L3MBTL4: variants seen among roughly 807,000 people sequenced by gnomAD.
The protein encoded by L3MBTL4 is L3MBTL histone methyl-lysine binding protein 4, also known as lethal(3)malignant brain tumor-like protein 4.
L3MBTL4 carries 70 observed loss-of-function variants against 84.5 expected under a neutral mutation model. That is an observed-to-expected ratio of 0.83 (90% CI 0.68 to 1.01). The LOEUF (loss-of-function observed/expected upper bound fraction) is 1.01, where lower values mean the gene tolerates loss of function less well. Ranked by LOEUF, L3MBTL4 falls within the 50% of genes least tolerant of loss-of-function variation. The pLI, the probability that L3MBTL4 is intolerant of heterozygous loss-of-function variation, is 0.00. For missense variants in L3MBTL4, 715 were observed against 754.8 expected, an observed-to-expected ratio of 0.95 and a Z score of 0.62; for synonymous variants, 274 against 259.8, an observed-to-expected ratio of 1.05 and a Z score of -0.52.
rs1448102623 is a variant in L3MBTL4 at position 6,210,768 on chromosome 18, C to G, written c.981+2381G>C. Among the ~76,000 whole-genome samples, 3 of 152,192 alleles carry G rather than the reference C, an allele frequency of 2.0e-5. No homozygotes were observed. In the East Asian group the frequency reaches 5.8e-4, roughly 29 times the overall value. On this transcript the variant is annotated intron_variant, in intron 12 of 18. Transcript: ENST00000317931. ...TAACATCTGTTCCTGTTAACATTCC[C>G]CATGTAATTCCAATCAAACTTCCTG...
At chr18:6,002,427 G>A (rs186174955) in intron 16 of L3MBTL4, among the ~76,000 whole-genome samples, 36 of 152,160 alleles carry the variant, frequency 2.4e-4, no homozygotes, top group South Asian at 1.0e-3. Flanking sequence ...ATTTTGGTTC[G>A]TCACTTTGCT....
intron 16 of L3MBTL4, among the ~76,000 whole-genome samples, chr18:6,072,963 T>A (rs543800107): frequency 6.1e-4 from 77 of 126,002 alleles, no homozygotes; most frequent in African/African-American, 2.3e-3. Context: ...ATCTAAGTAA[T>A]AATTTAAAGA....
At chr18:6,168,204 A>T (rs1348384320) in intron 13 of L3MBTL4, among the ~76,000 whole-genome samples, 1 of 152,186 alleles carries the variant, frequency 6.6e-6, no homozygotes, top group Non-Finnish European at 1.5e-5. Context: ...AGAACATTCC[A>T]TGCTCATGGG....
At chr18:6,246,122 T>C (rs576399902) in intron 5 of L3MBTL4, among the ~76,000 whole-genome samples, 3 of 152,320 alleles carry the variant, frequency 2.0e-5, no homozygotes, top group Admixed American at 2.0e-4. Flanking sequence ...CTCTCTTATG[T>C]TTCATTGACT....
intron 4 of L3MBTL4, among the ~76,000 whole-genome samples, chr18:6,285,751 A>G (rs927698501): frequency 1.3e-5 from 2 of 151,856 alleles, no homozygotes; most frequent in African/African-American, 2.4e-5. Flanking sequence ...TCTTTCACCA[A>G]TCAGAGCTTG....
chr18:6,391,761 T>TACA (rs1339888641), intron 1 of L3MBTL4, among the ~76,000 whole-genome samples: 1 of 151,932 alleles, frequency 6.6e-6, no homozygotes, highest in Admixed American at 6.5e-5. Flanking sequence ...CAACTACTAC[T>TACA]ACTACTACTA....
At position 6,219,142 on chromosome 18, in the gene L3MBTL4, C is replaced by A. The variant is rs564632076; in HGVS notation, c.785-3307G>T. On this transcript the variant is annotated intron_variant, in intron 10 of 18. Coordinates refer to ENST00000317931, the MANE Select transcript of L3MBTL4 (RefSeq NM_001330559.2). ...AGGTGAGAACTTGAGCCTTGAGCAG[C>A]CTGCCAAGTGCTATACAGTTAGAAA... Among the ~76,000 whole-genome samples the A allele has an allele frequency of 5.9e-5, 9 of 152,086 alleles. No individual in the cohort carries two copies. In the South Asian group the frequency reaches 6.2e-4, roughly 11 times the overall value.
At chr18:6,188,128 G>T (rs541144636) in intron 12 of L3MBTL4, among the ~76,000 whole-genome samples, 1 of 152,004 alleles carries the variant, frequency 6.6e-6, no homozygotes, top group Non-Finnish European at 1.5e-5. Context: ...TTCTACCTTG[G>T]AATCCTGGGG....
intron 1 of L3MBTL4, among the ~76,000 whole-genome samples, chr18:6,337,982 A>G (rs1368775968): frequency 6.6e-6 from 1 of 152,090 alleles, no homozygotes; most frequent in African/African-American, 2.4e-5. Context: ...TGAAAGCCAT[A>G]AGACAATAGA....
At chr18:6,045,964 T>A (rs1254281647) in intron 16 of L3MBTL4, among the ~76,000 whole-genome samples, 1 of 152,110 alleles carries the variant, frequency 6.6e-6, no homozygotes, top group Non-Finnish European at 1.5e-5. Context: ...AGAAACATGA[T>A]AATTCCATCT....
chr18:5,969,629 G>A (rs1598315576), intron 16 of L3MBTL4, 67 bp from the exon 17 acceptor site: 18 of 1,498,610 alleles, frequency 1.2e-5, no homozygotes, highest in South Asian at 3.9e-5. Flanking sequence ...TGTCAGCCCC[G>A]CAGTCCGGAG....
At chr18:6,409,489 G>A (rs1266746484) in intron 1 of L3MBTL4, among the ~76,000 whole-genome samples, 1 of 152,034 alleles carries the variant, frequency 6.6e-6, no homozygotes, top group Non-Finnish European at 1.5e-5. Context: ...AGATAAAAAT[G>A]GTCCATTCGG....
intron 16 of L3MBTL4, chr18:6,029,689 A>T (rs2055686684): frequency 1.0e-6 from 1 of 985,204 alleles, no homozygotes; most frequent in African/African-American, 1.7e-5. Flanking sequence ...TACTATGGTC[A>T]AGTTCACAAA....
intron 10 of L3MBTL4, among the ~76,000 whole-genome samples, chr18:6,220,659 A>G (rs2046513320): frequency 6.6e-6 from 1 of 152,232 alleles, no homozygotes; most frequent in African/African-American, 2.4e-5. Context: ...CTGCCTTATG[A>G]TAGGAATATG....
intron 13 of L3MBTL4, among the ~76,000 whole-genome samples, chr18:6,152,911 T>A (rs1174792088): frequency 6.6e-6 from 1 of 152,190 alleles, no homozygotes; most frequent in Non-Finnish European, 1.5e-5. Flanking sequence ...AATTTTTGTA[T>A]GTGGTGCAAG....
intron 13 of L3MBTL4, among the ~76,000 whole-genome samples, chr18:6,163,163 A>G (rs1010029166): frequency 6.6e-6 from 1 of 150,636 alleles, no homozygotes; most frequent in African/African-American, 2.4e-5. Flanking sequence ...ATTTGTTTCT[A>G]CTTCCCAGTG....
chr18:6,000,317 A>G (rs1036410507), intron 16 of L3MBTL4, among the ~76,000 whole-genome samples: 4 of 152,212 alleles, frequency 2.6e-5, no homozygotes, highest in Admixed American at 2.0e-4. Context: ...AAAATAAAGT[A>G]GAAATGTGAC....
intron 13 of L3MBTL4, among the ~76,000 whole-genome samples, chr18:6,147,797 C>T (rs569142035): frequency 3.3e-5 from 5 of 152,240 alleles, no homozygotes; most frequent in African/African-American, 9.6e-5. Flanking sequence ...TGGTACTGGC[C>T]TTTGCTTATT....
intron 16 of L3MBTL4, among the ~76,000 whole-genome samples, chr18:6,061,096 T>C (rs2057203032): frequency 6.6e-6 from 1 of 152,158 alleles, no homozygotes; most frequent in African/African-American, 2.4e-5. Flanking sequence ...ACTACCAAAC[T>C]ATCTTTCAAA....
Sources: gnomAD v4.1 joint callset for allele counts (sites outside exome capture counted in the v4.1 genomes callset) on GRCh38, gnomAD v4.1.1 for gene constraint, MANE v1.5 for transcripts, NCBI Gene and HGNC (gene_info 2026-07-23, HGNC 2026-07-21) for gene names.